The following DST variants were observed in gnomAD, a reference collection of about 807,000 sequenced individuals.
The protein encoded by DST is bullous pemphigoid antigen.
DST carries 253 observed loss-of-function variants against 875.2 expected under a neutral mutation model. That is an observed-to-expected ratio of 0.29 (90% confidence interval 0.26 to 0.32). The LOEUF is 0.32. Among genes scored for constraint, DST ranks in the 10% least tolerant of loss-of-function variants. The pLI is 1.00. For synonymous variants in DST, 3,124 were observed against 3,197.1 expected, an observed-to-expected ratio of 0.98 and a Z score of 0.77; for missense variants, 8,287 against 9,111.6, an observed-to-expected ratio of 0.91 and a Z score of 3.68.
At chr6:56,868,019 T>C (rs1399759682) in intron 3 of DST, among the ~76,000 whole-genome samples, 1 of 152,206 alleles carries the variant, frequency 6.6e-6, no homozygotes, top group Admixed American at 6.5e-5. Context: ...GCCTCTTTAA[T>C]ACTCCCATAA....
chr6:56,631,953 A>G lies in DST; in HGVS notation c.3893T>C (p.Ile1298Thr). 6.2e-7 allele frequency: 1 copy of G among 1,613,852 alleles called. No individual in the cohort carries two copies. The change falls in exon 29 of 104, where the codon ATT becomes ACT. Residue 1298 changes from isoleucine to threonine, a missense_variant. Around this residue, in one of 10 missense-constraint regions of DST, gnomAD observed 3,138 missense variants for 3,116.6 expected, o/e 1.01. Coordinates refer to ENST00000680361, the MANE Select transcript of DST (RefSeq NM_001374736.1). Reference sequence around the variant, plus strand: ...TTCCAGGGGAGTTCGAATCTGTCTAATCAGCCGATCTTCACAGTTCTCTAA... The same window carrying G: ...TTCCAGGGGAGTTCGAATCTGTCTAGTCAGCCGATCTTCACAGTTCTCTAA... ...LRLENCEDRL[I>T]RQIRTPLERD... is the part of the protein sequence containing the mutation.
intron 2 of DST, among the ~76,000 whole-genome samples, chr6:56,926,876 T>C (rs933983432): frequency 2.0e-5 from 3 of 152,162 alleles, no homozygotes; most frequent in African/African-American, 7.2e-5. Context: ...ACACAAAACA[T>C]ACAGCACCAG....
rs1335027750 is a variant in DST, at chr6:56,606,966, T to G, written c.7662A>C (p.Ile2554=). ...GAGTCACAGCACAGGAATACTCTTC[T>G]ATTTCAGACTCATCTTCCTTGTCTT... ...MPEDKEDESE[I]EEYSCAVTPG... Residue 2554 remains isoleucine, a synonymous_variant, in exon 40 of 104, where the codon ATA becomes ATC. Coordinates refer to ENST00000680361, the MANE Select transcript of DST (RefSeq NM_001374736.1). 6.2e-7 allele frequency: 1 copy of G among 1,613,540 alleles called. No homozygotes were observed. The highest frequency in any genetic ancestry group is 1.7e-5 in the Admixed American group (1 of 59,944).
chr6:56,875,918 G>A (rs913630170), intron 3 of DST, among the ~76,000 whole-genome samples: 2 of 152,062 alleles, frequency 1.3e-5, no homozygotes, highest in Non-Finnish European at 2.9e-5. Context: ...TCTTTTCTAG[G>A]TGCCCTTTGA....
At chr6:56,925,615 T>C (rs970019254) in intron 2 of DST, among the ~76,000 whole-genome samples, 1 of 152,220 alleles carries the variant, frequency 6.6e-6, no homozygotes, top group African/African-American at 2.4e-5. Flanking sequence ...TTCCTCTCTT[T>C]GTCTTCCGAA....
At chr6:56,879,970 G>C (rs185660044) in intron 3 of DST, among the ~76,000 whole-genome samples, 9 of 152,358 alleles carry the variant, frequency 5.9e-5, no homozygotes, top group Non-Finnish European at 1.5e-5. Flanking sequence ...CATTACTAAA[G>C]TAGGTGCTAT....
Position 56,646,145 on chromosome 6 carries a change from T to G in DST, c.1592A>C (p.Glu531Ala), listed in dbSNP as rs755877153. Residue 531 changes from glutamate to alanine, a missense_variant, in exon 14 of 104, where the codon GAA becomes GCA. This residue lies in a region of DST where 1,160 missense variants were observed against 1,424.3 expected (regional missense o/e 0.81). Transcript: ENST00000680361. ...TTTTTCTGTCTCCTTTGGTGGAATTTCTGTTTCTTTAAACTGTAAATACTG... is the reference window on the plus strand; with the variant it reads ...TTTTTCTGTCTCCTTTGGTGGAATTGCTGTTTCTTTAAACTGTAAATACTG... The part of the protein sequence containing the change: ...YNQYLQFKET[E>A]IPPKETEKSK... 90 of 1,531,084 alleles carry G rather than the reference T, an allele frequency of 5.9e-5. No homozygotes were observed. In the Middle Eastern group the frequency reaches 6.8e-4, roughly 12 times the overall value. 94.8% of individuals were successfully genotyped at this position (1,531,084 alleles called of 1,614,324 possible).
At chr6:56,888,532 G>A (rs999075013) in intron 3 of DST, among the ~76,000 whole-genome samples, 1 of 152,086 alleles carries the variant, frequency 6.6e-6, no homozygotes, top group Non-Finnish European at 1.5e-5. Flanking sequence ...AATATCCTAA[G>A]GTTATGCACA....
chr6:56,501,260 C>A (rs1183047990), intron 79 of DST, 25 bp from the exon 80 acceptor site: 3 of 1,558,408 alleles, frequency 1.9e-6, no homozygotes, highest in Non-Finnish European at 2.6e-6. Flanking sequence ...GAAAGAAAAT[C>A]CATTTATAAA....
At chr6:56,898,258 A>G (rs1255066836) in intron 3 of DST, among the ~76,000 whole-genome samples, 2 of 152,176 alleles carry the variant, frequency 1.3e-5, no homozygotes, top group African/African-American at 2.4e-5. Flanking sequence ...CACCTGACCT[A>G]TCCGAGCATG....
At chr6:56,786,157 G>C (rs950192068) in intron 4 of DST, among the ~76,000 whole-genome samples, 1 of 151,840 alleles carries the variant, frequency 6.6e-6, no homozygotes, top group Non-Finnish European at 1.5e-5. Flanking sequence ...TCTTTCATTT[G>C]GGGGGGAGGG....
In DST at chr6:56,634,557, C is replaced by G. The variant is rs776881082; in HGVS notation, c.3399G>C (p.Trp1133Cys). The G allele has an allele frequency of 1.2e-6, 2 of 1,614,188 alleles. No homozygotes were observed. Among genetic ancestry groups the G allele is most frequent in the Admixed American group, 1.7e-5 (1 of 60,024 alleles). Reference protein sequence around the residue: ...VLANNSHRAKWKVISPTGNEA... With the variant: ...VLANNSHRAKCKVISPTGNEA... ...CATTCCCAGTAGGACTAATGACCTTCCATTTAGCACGATGAGAGTTATTCG... is the reference window on the plus strand; with the variant it reads ...CATTCCCAGTAGGACTAATGACCTTGCATTTAGCACGATGAGAGTTATTCG... The change falls in exon 26 of 104, where the codon TGG (tryptophan) becomes TGC (cysteine). Residue 1133 changes from tryptophan (W) to cysteine (C), a missense_variant. Around this residue, in one of 10 missense-constraint regions of DST, gnomAD observed 1,160 missense variants for 1,424.3 expected, o/e 0.81. Coordinates refer to ENST00000680361, the MANE Select transcript of DST (RefSeq NM_001374736.1).
At chr6:56,619,159 T>C (rs141995317) in intron 36 of DST, 25 of 1,614,012 alleles carry the variant, frequency 1.5e-5, no homozygotes, top group Non-Finnish European at 2.1e-5. Flanking sequence ...TTGTGCTGCG[T>C]AGCTGATCTT....
chr6:56,657,110 CTAA>C (rs977209262), intron 10 of DST, among the ~76,000 whole-genome samples: 25 of 152,142 alleles, frequency 1.6e-4, no homozygotes, highest in African/African-American at 5.5e-4. Flanking sequence ...ACCCTTCTTT[CTAA>C]TAATTATTTA....
chr6:56,482,705 C>A lies in DST; in HGVS notation c.21380G>T (p.Arg7127Leu). ...VCALSISKQT[R>L]LEAALRQAEE... The stretch of plus-strand genomic sequence containing the variant: ...TACCTGACGCAGGGCTGCTTCTAAC[C>A]GTGTTTGCTTTGATATAGAAAGTGC... The change falls in exon 89 of 104, where the codon CGG (arginine) becomes CTG (leucine). Residue 7127 changes from arginine (R) to leucine (L), a missense_variant. By Grantham distance (102) the Arg-to-Leu change is moderately radical. Coordinates refer to ENST00000680361, the MANE Select transcript of DST (RefSeq NM_001374736.1). The A allele has an allele frequency of 6.2e-7, 1 of 1,613,578 alleles. No individual in the cohort carries two copies. The highest frequency in any genetic ancestry group is 8.5e-7 in the Non-Finnish European group (1 of 1,179,652).
chr6:56,670,137 T>A (rs776264206), intron 10 of DST, among the ~76,000 whole-genome samples: 2 of 57,822 alleles, frequency 3.5e-5, no homozygotes, highest in Non-Finnish European at 9.9e-5. Flanking sequence ...CCCGTGCGTG[T>A]GTGTGTGTGT....
intron 3 of DST, among the ~76,000 whole-genome samples, chr6:56,899,075 C>T (rs1162926059): frequency 2.0e-5 from 3 of 152,164 alleles, no homozygotes; most frequent in South Asian, 2.1e-4. Flanking sequence ...TATGTATCCT[C>T]TCTGGGGCTC....
intron 87 of DST, among the ~76,000 whole-genome samples, chr6:56,486,543 G>A (rs2095575205): frequency 6.6e-6 from 1 of 151,946 alleles, no homozygotes; most frequent in South Asian, 2.1e-4. Flanking sequence ...TACTACTATT[G>A]TACTCAATTA....
rs1220499087 is a variant in DST, at chr6:56,620,418, C to T, written c.4929+4112G>A. 6.2e-7 allele frequency: 1 copy of T among 1,614,112 alleles called. No homozygotes were observed. Among genetic ancestry groups the T allele is most frequent in the Non-Finnish European group, 8.5e-7 (1 of 1,180,038 alleles). ...AGTTCTCTTTCAGCGGCTTCCTTCT[C>T]TCTCACAATGGTTTCAAGTTCCCTG... is the stretch of plus-strand genomic sequence containing the variant. On this transcript the variant is annotated intron_variant, in intron 36 of 103. Coordinates refer to ENST00000680361, the MANE Select transcript of DST (RefSeq NM_001374736.1).
Sources: gnomAD v4.1 joint callset for allele counts (sites outside exome capture counted in the v4.1 genomes callset) on GRCh38, gnomAD v4.1.1 for gene constraint, gnomAD v4.1.1 regional missense constraint, MANE v1.5 for transcripts, NCBI Gene and HGNC (gene_info 2026-07-23, HGNC 2026-07-21) for gene names.